The following THADA variants were observed in gnomAD, a reference collection of about 807,000 sequenced individuals.
THADA encodes tRNA (32-2'-O)-methyltransferase regulator THADA.
A neutral mutation model predicts 219.8 loss-of-function variants in THADA; 213 were observed. That is an observed-to-expected ratio of 0.97 (90% CI 0.87 to 1.09). The LOEUF (loss-of-function observed/expected upper bound fraction) is 1.09. THADA is among the 50% of genes least tolerant of loss of function. The pLI, the probability that THADA is intolerant of heterozygous loss-of-function variation, is 0.00. For synonymous variants in THADA, 1,018 were observed against 828.9 expected, an observed-to-expected ratio of 1.23 and a Z score of -3.92; for missense variants, 2,956 against 2,311.3, an observed-to-expected ratio of 1.28 and a Z score of -5.72.
Position 43,540,239 on chromosome 2 carries a change from A to G in THADA, c.3264+920T>C, listed in dbSNP as rs77520767. The stretch of plus-strand genomic sequence containing the variant: ...TTTGATTTGGAAGAGAATAAGGAAC[A>G]TAATGATGCCTGAAATGTCCTGTGC... On this transcript the variant is annotated intron_variant, in intron 21 of 37. Transcript: ENST00000405975. Among the ~76,000 whole-genome samples the G allele has an allele frequency of 6.0e-3, 908 of 152,366 alleles. 15 individuals carry two copies. Among genetic ancestry groups the G allele is most frequent in the African/African-American group, 0.021 (857 of 41,594 alleles).
intron 25 of THADA, among the ~76,000 whole-genome samples, chr2:43,490,485 A>C (rs1363219621): frequency 6.6e-6 from 1 of 152,142 alleles, no homozygotes; most frequent in Non-Finnish European, 1.5e-5. Context: ...ACTGAGGTTG[A>C]GAAATTTCCC....
intron 26 of THADA, among the ~76,000 whole-genome samples, chr2:43,458,707 A>C (rs1683293291): frequency 6.6e-6 from 1 of 152,190 alleles, no homozygotes; most frequent in African/African-American, 2.4e-5. Flanking sequence ...AAATGAAAAC[A>C]ACCAAAACAA....
intron 21 of THADA, among the ~76,000 whole-genome samples, chr2:43,533,057 AC>A (rs1694093923): frequency 6.6e-6 from 1 of 152,108 alleles, no homozygotes; most frequent in African/African-American, 2.4e-5. Flanking sequence ...AAAACAAACC[AC>A]CCCATCAAAA....
chr2:43,580,740 C>T (rs1183179912), intron 8 of THADA, among the ~76,000 whole-genome samples: 2 of 151,726 alleles, frequency 1.3e-5, no homozygotes, highest in African/African-American at 2.4e-5. Flanking sequence ...ATTAGCCAGG[C>T]GTGGTGGTGC....
At chr2:43,577,558 T>C (rs1574339309) in intron 9 of THADA, among the ~76,000 whole-genome samples, 1 of 151,402 alleles carries the variant, frequency 6.6e-6, no homozygotes, top group Non-Finnish European at 1.5e-5. Flanking sequence ...CTTTTAGAGG[T>C]GATTTGAGAA....
intron 36 of THADA, among the ~76,000 whole-genome samples, chr2:43,237,731 C>T (rs1428677242): frequency 6.6e-6 from 1 of 151,938 alleles, no homozygotes; most frequent in African/African-American, 2.4e-5. Context: ...AGAAAACTCA[C>T]AGAAGAAAAC....
intron 25 of THADA, chr2:43,486,558 G>C (rs971058548): frequency 2.6e-5 from 4 of 152,174 alleles, no homozygotes; most frequent in Non-Finnish European, 5.9e-5. Context: ...ACCACATGGT[G>C]TGTTAAATAG....
chr2:43,525,146 C>T (rs1693000838), intron 22 of THADA, among the ~76,000 whole-genome samples: 2 of 152,158 alleles, frequency 1.3e-5, no homozygotes, highest in African/African-American at 2.4e-5. Context: ...AAACCATTCC[C>T]TCTTTCAACT....
chr2:43,411,584 C>T (rs1676311037), intron 28 of THADA, among the ~76,000 whole-genome samples: 1 of 152,242 alleles, frequency 6.6e-6, no homozygotes, highest in South Asian at 2.1e-4. Flanking sequence ...TCAACTCATA[C>T]TAGTTTTAGT....
chr2:43,245,855 A>C (rs531316126), intron 36 of THADA, among the ~76,000 whole-genome samples: 1 of 151,834 alleles, frequency 6.6e-6, no homozygotes, highest in South Asian at 2.1e-4. Flanking sequence ...AATCAGAAAA[A>C]CTCAAGAAGA....
chr2:43,408,318 G>A (rs1382393228), intron 28 of THADA: 3 of 152,084 alleles, frequency 2.0e-5, no homozygotes, highest in Non-Finnish European at 4.4e-5. Flanking sequence ...TGCTTGCCTC[G>A]GCAGCACATA....
chr2:43,544,104 C>A (rs1356418632), intron 20 of THADA, among the ~76,000 whole-genome samples: 2 of 152,138 alleles, frequency 1.3e-5, no homozygotes, highest in African/African-American at 2.4e-5. Flanking sequence ...AGCCTGTTTT[C>A]CCAGCACCAT....
At chr2:43,514,552 A>G (rs553180872) in intron 22 of THADA, among the ~76,000 whole-genome samples, 1 of 124,752 alleles carries the variant, frequency 8.0e-6, no homozygotes, top group Non-Finnish European at 1.6e-5. Flanking sequence ...TTTATACACA[A>G]TATAAATAAT....
chr2:43,404,538 G>C (rs1255400134), intron 28 of THADA, among the ~76,000 whole-genome samples: 1 of 151,948 alleles, frequency 6.6e-6, no homozygotes, highest in African/African-American at 2.4e-5. Flanking sequence ...TGTACCTTCT[G>C]TGATCAGAAT....
At chr2:43,504,677 G>A (rs748715160) in intron 24 of THADA, among the ~76,000 whole-genome samples, 12 of 152,238 alleles carry the variant, frequency 7.9e-5, no homozygotes, top group Non-Finnish European at 1.8e-4. Context: ...TCAGGAGTTC[G>A]AGACCAACCT....
chr2:43,343,166 T>A (rs1301678931), intron 30 of THADA: 1 of 152,228 alleles, frequency 6.6e-6, no homozygotes, highest in Admixed American at 6.5e-5. Flanking sequence ...TAGTTGGGAC[T>A]ACAGGCATGC....
At chr2:43,313,612 C>T (rs547162929) in intron 31 of THADA, among the ~76,000 whole-genome samples, 11 of 152,378 alleles carry the variant, frequency 7.2e-5, no homozygotes, top group African/African-American at 2.2e-4. Flanking sequence ...TAATAACACG[C>T]TCCAGTCCTG....
chr2:43,423,250 T>C (rs1677955785), intron 28 of THADA, among the ~76,000 whole-genome samples: 1 of 152,186 alleles, frequency 6.6e-6, no homozygotes, highest in Non-Finnish European at 1.5e-5. Flanking sequence ...TCATTTTTTT[T>C]ATGGCTACTT....
chr2:43,478,702 A>G (rs1685829284), intron 26 of THADA, among the ~76,000 whole-genome samples: 1 of 152,246 alleles, frequency 6.6e-6, no homozygotes, highest in South Asian at 2.1e-4. Flanking sequence ...CTGAAGCAGT[A>G]CTTAGAAATA....
Sources: allele counts gnomAD v4.1 joint callset (sites outside exome capture counted in the v4.1 genomes callset), GRCh38; gene constraint gnomAD v4.1.1; transcripts MANE v1.5; gene names NCBI Gene and HGNC (gene_info 2026-07-23, HGNC 2026-07-21).